The following UBE2N variants were observed in gnomAD, a reference collection of about 807,000 sequenced individuals.
The protein encoded by UBE2N is ubiquitin-conjugating enzyme E2 N.
For synonymous variants in UBE2N, 70 were observed against 69.2 expected, an observed-to-expected ratio of 1.01 and a Z score of -0.06; for missense variants, 60 against 192.1, an observed-to-expected ratio of 0.31 and a Z score of 4.07.
intron 1 of UBE2N, among the ~76,000 whole-genome samples, chr12:93,414,784 C>T (rs1049426156): frequency 4.6e-5 from 7 of 152,154 alleles, no homozygotes; most frequent in African/African-American, 1.4e-4. Flanking sequence ...ACTCCCTATC[C>T]CCACTCCCTG....
chr12:93,422,824 A>G (rs781125920), intron 1 of UBE2N, among the ~76,000 whole-genome samples: 2 of 152,158 alleles, frequency 1.3e-5, no homozygotes, highest in Non-Finnish European at 2.9e-5. Flanking sequence ...ACTATTAAAC[A>G]ATGTTAAAAA....
intron 1 of UBE2N, among the ~76,000 whole-genome samples, chr12:93,428,265 GAAGAA>G (rs1258127806): frequency 6.6e-6 from 1 of 152,090 alleles, no homozygotes; most frequent in East Asian, 1.9e-4. Context: ...CTACACTTCT[GAAGAA>G]AAGAAACTTC....
chr12:93,441,787 C>T, intron 1 of UBE2N, 68 bp downstream of exon 1: 1 of 1,561,954 alleles, frequency 6.4e-7, no homozygotes, highest in Non-Finnish European at 8.6e-7. Flanking sequence ...AGGCGAGAGG[C>T]CGCGCTGCCT....
At chr12:93,423,688 T>C (rs144039799) in intron 1 of UBE2N, among the ~76,000 whole-genome samples, 1 of 152,314 alleles carries the variant, frequency 6.6e-6, no homozygotes, top group African/African-American at 2.4e-5. Context: ...TTCTAAAATG[T>C]CCCTTGAACA....
At chr12:93,437,870 C>T (rs7300607) in intron 1 of UBE2N, among the ~76,000 whole-genome samples, 89,650 of 152,120 alleles carry the variant, frequency 0.59, 27,350 homozygotes, top group African/African-American at 0.76. Flanking sequence ...GGATTCTCTA[C>T]GTATCCTTCA....
At chr12:93,418,333 C>G (rs2121067976) in intron 1 of UBE2N, among the ~76,000 whole-genome samples, 1 of 152,210 alleles carries the variant, frequency 6.6e-6, no homozygotes, top group Middle Eastern at 3.4e-3. Context: ...CACTGCACCC[C>G]AGCCTGGGCG....
Position 93,426,052 on chromosome 12 carries a change from T to C in UBE2N, c.31-14753A>G, listed in dbSNP as rs79423305. ...ACAGATTATCAATTAGGTCTGAAATTTGAACAGTCTTAAGAGATCCAGCTG... is the reference window on the plus strand; with the variant it reads ...ACAGATTATCAATTAGGTCTGAAATCTGAACAGTCTTAAGAGATCCAGCTG... On this transcript the variant is annotated intron_variant, in intron 1 of 3. Transcript: ENST00000318066. Among the ~76,000 whole-genome samples the C allele has an allele frequency of 2.2e-3, 341 of 152,290 alleles. 7 individuals carry two copies. Among genetic ancestry groups the C allele is most frequent in the East Asian group, 6.9e-3 (36 of 5,186 alleles).
chr12:93,440,464 C>T (rs1272194675), intron 1 of UBE2N, among the ~76,000 whole-genome samples: 1 of 152,228 alleles, frequency 6.6e-6, no homozygotes, highest in Non-Finnish European at 1.5e-5. Context: ...ACAAAAACGT[C>T]TTATTTCTCT....
intron 1 of UBE2N, among the ~76,000 whole-genome samples, chr12:93,420,739 A>C (rs1360843787): frequency 1.3e-5 from 2 of 152,180 alleles, no homozygotes; most frequent in Non-Finnish European, 2.9e-5. Context: ...AATCACTGAC[A>C]ATGACAATGG....
intron 1 of UBE2N, among the ~76,000 whole-genome samples, chr12:93,421,927 A>G (rs918370718): frequency 1.3e-5 from 2 of 152,230 alleles, no homozygotes; most frequent in Non-Finnish European, 2.9e-5. Context: ...CCAGCAGTTT[A>G]TTTCATTGTG....
At chr12:93,437,226 C>T (rs1878959570) in intron 1 of UBE2N, among the ~76,000 whole-genome samples, 1 of 151,810 alleles carries the variant, frequency 6.6e-6, no homozygotes, top group Admixed American at 6.6e-5. Flanking sequence ...GTCTGTAATC[C>T]CAGATACTGG....
In UBE2N at chr12:93,441,933, G is replaced by T; in HGVS notation, c.-49C>A. 13 of 1,543,492 alleles carry T rather than the reference G, an allele frequency of 8.4e-6. No individual in the cohort carries two copies. The highest frequency in any genetic ancestry group is 1.0e-5 in the Non-Finnish European group (12 of 1,146,760). ...TCTGGTCTCGTCTCCGGCTCCTCTCGCCTCACGCACGAGTGGAAGTCCCGG... is the reference window on the plus strand; with the variant it reads ...TCTGGTCTCGTCTCCGGCTCCTCTCTCCTCACGCACGAGTGGAAGTCCCGG... On this transcript the variant is annotated 5_prime_UTR_variant, in exon 1 of 4. Transcript: ENST00000318066.
intron 1 of UBE2N, among the ~76,000 whole-genome samples, chr12:93,421,206 T>G (rs1340958779): frequency 1.4e-4 from 13 of 93,534 alleles, no homozygotes; most frequent in Non-Finnish European, 2.5e-4. Context: ...TCTTTTTTTT[T>G]TGGGGGGGCT....
chr12:93,430,787 T>C (rs1217193984), intron 1 of UBE2N, among the ~76,000 whole-genome samples: 1 of 147,948 alleles, frequency 6.8e-6, no homozygotes, highest in Non-Finnish European at 1.5e-5. Context: ...TTTTATATTG[T>C]ACATAATATA....
intron 1 of UBE2N, among the ~76,000 whole-genome samples, chr12:93,419,774 C>T (rs1364634189): frequency 6.6e-6 from 1 of 152,168 alleles, no homozygotes; most frequent in Non-Finnish European, 1.5e-5. Flanking sequence ...AAAGTTAGCA[C>T]CTACCTAAAC....
chr12:93,422,702 AAAAAATGATGTAGAT>A (rs1349216270), intron 1 of UBE2N, among the ~76,000 whole-genome samples: 1 of 152,172 alleles, frequency 6.6e-6, no homozygotes, highest in Non-Finnish European at 1.5e-5. Flanking sequence ...GCTTTTATGT[AAAAAATGATGTAGAT>A]TGTGGGTTTT....
intron 1 of UBE2N, among the ~76,000 whole-genome samples, chr12:93,425,946 T>C (rs976544802): frequency 2.6e-5 from 4 of 152,278 alleles, no homozygotes; most frequent in African/African-American, 7.2e-5. Context: ...AGTTGACATA[T>C]TAAAGATGAT....
chr12:93,441,632 G>A (rs1224189933), intron 1 of UBE2N, among the ~76,000 whole-genome samples: 2 of 151,970 alleles, frequency 1.3e-5, no homozygotes, highest in Non-Finnish European at 2.9e-5. Flanking sequence ...CCGCCTGGAA[G>A]CCCCGGGTCC....
rs534149623 is a variant in UBE2N at position 93,433,124 on chromosome 12, G to A, written c.30+8731C>T. Among the ~76,000 whole-genome samples, 230 of 151,890 alleles carry A rather than the reference G, an allele frequency of 1.5e-3. 2 individuals carry two copies. Among genetic ancestry groups the A allele is most frequent in the Admixed American group, 3.9e-3 (59 of 15,212 alleles). On this transcript the variant is annotated intron_variant, in intron 1 of 3. Coordinates refer to ENST00000318066, the MANE Select transcript of UBE2N (RefSeq NM_003348.4). ...ATTTTTTTGTATTTTTAGTAGAGAC[G>A]GGGTTTCACCATGTTAGCCAGGATG...
Sources: allele counts gnomAD v4.1 joint callset (sites outside exome capture counted in the v4.1 genomes callset), GRCh38; gene constraint gnomAD v4.1.1; transcripts MANE v1.5; gene names NCBI Gene and HGNC (gene_info 2026-07-23, HGNC 2026-07-21).